SMOC2: variants seen among roughly 807,000 people sequenced by gnomAD.
The protein encoded by SMOC2 is SPARC-related modular calcium-binding protein 2.
A neutral mutation model predicts 61.4 loss-of-function variants in SMOC2; 39 were observed. The ratio of observed to expected loss-of-function variants is 0.64; its 90% CI spans 0.49 to 0.83. SMOC2 has a LOEUF of 0.83. Ranked by LOEUF, SMOC2 falls within the 40% of genes least tolerant of loss-of-function variation. The probability of loss-of-function intolerance (pLI) is 0.00; values close to 1 mark genes in which losing one functional copy is unlikely to be tolerated. For missense variants in SMOC2, 556 were observed against 592.9 expected (o/e 0.94, Z 0.65); for synonymous variants, 247 against 239.9 (o/e 1.03, Z -0.27).
intron 1 of SMOC2, among the ~76,000 whole-genome samples, chr6:168,491,470 C>G (rs1216373579): frequency 6.6e-6 from 1 of 152,106 alleles, no homozygotes; most frequent in Non-Finnish European, 1.5e-5. Context: ...ACTGCTTGGT[C>G]TCATGATGAT....
intron 1 of SMOC2, among the ~76,000 whole-genome samples, chr6:168,468,663 T>A (rs1781898819): frequency 6.6e-6 from 1 of 152,082 alleles, no homozygotes; most frequent in Non-Finnish European, 1.5e-5. Flanking sequence ...GCCTCCCGAG[T>A]AGCTGGGATT....
chr6:168,527,651 A>T lies in SMOC2; in HGVS notation c.387A>T (p.Gly129=), dbSNP rs901788938. ...AGGTCCAGTGTCACAGCTACACGGG[A>T]TACTGCTGGTGCGTCACGCCCAACG... ...YSQVQCHSYT[G]YCWCVTPNGR... The change falls in exon 4 of 13, where the codon GGA becomes GGT. Residue 129 remains glycine (G), a synonymous_variant. Transcript: ENST00000356284. The T allele has an allele frequency of 3.2e-6, 5 of 1,551,826 alleles. No homozygotes were observed. The African/African-American group carries it at 6.8e-5, about 21-fold the overall frequency.
chr6:168,550,307 T>C (rs562759512), intron 7 of SMOC2, among the ~76,000 whole-genome samples: 92 of 152,336 alleles, frequency 6.0e-4, no homozygotes, highest in African/African-American at 2.2e-3. Context: ...ACTTTATCTG[T>C]GGTTATGCAT....
At chr6:168,489,421 C>T (rs901985734) in intron 1 of SMOC2, among the ~76,000 whole-genome samples, 2 of 151,532 alleles carry the variant, frequency 1.3e-5, no homozygotes, top group African/African-American at 4.8e-5. Context: ...CGTCTGGGTC[C>T]TCTTGGATCA....
chr6:168,609,367 G>A (rs973778635), intron 9 of SMOC2, among the ~76,000 whole-genome samples: 3 of 152,142 alleles, frequency 2.0e-5, no homozygotes, highest in African/African-American at 7.2e-5. Flanking sequence ...TTTTTTTAAT[G>A]AGAGTATGGT....
intron 9 of SMOC2, among the ~76,000 whole-genome samples, chr6:168,613,449 G>C (rs139056327): frequency 3.9e-5 from 6 of 152,236 alleles, no homozygotes; most frequent in African/African-American, 1.2e-4. Context: ...TCCTCTCCTG[G>C]ATCCCCAGAG....
chr6:168,660,372 G>A (rs1307179310), intron 11 of SMOC2, among the ~76,000 whole-genome samples: 1 of 152,194 alleles, frequency 6.6e-6, no homozygotes, highest in East Asian at 1.9e-4. Flanking sequence ...CTCTGCTAAG[G>A]CTGAGCAGGA....
intron 7 of SMOC2, among the ~76,000 whole-genome samples, chr6:168,585,963 A>G (rs754282458): frequency 1.4e-4 from 22 of 152,030 alleles, no homozygotes; most frequent in Admixed American, 9.2e-4. Context: ...CGTTTTCTTA[A>G]TGGTCTCTTT....
At chr6:168,503,164 C>T (rs1486923804) in intron 1 of SMOC2, among the ~76,000 whole-genome samples, 12 of 149,892 alleles carry the variant, frequency 8.0e-5, no homozygotes, top group Non-Finnish European at 4.4e-5. Context: ...CTGCAACCTC[C>T]GCCTCCTGGG....
chr6:168,627,827 A>AATTGTCAG (rs1786454465), intron 9 of SMOC2, among the ~76,000 whole-genome samples: 1 of 152,206 alleles, frequency 6.6e-6, no homozygotes. Flanking sequence ...GGAAACTGAA[A>AATTGTCAG]ATTGTCAGAA....
At chr6:168,574,721 C>T (rs574858974) in intron 7 of SMOC2, among the ~76,000 whole-genome samples, 10 of 152,180 alleles carry the variant, frequency 6.6e-5, no homozygotes, top group Non-Finnish European at 2.9e-5. Context: ...CCCGAACTGC[C>T]GGACTCGGCG....
chr6:168,639,666 A>G (rs1168221613), intron 9 of SMOC2, among the ~76,000 whole-genome samples: 3 of 152,242 alleles, frequency 2.0e-5, no homozygotes, highest in African/African-American at 7.2e-5. Context: ...TCTTAAATGA[A>G]GACATTCTGG....
At chr6:168,560,018 TGTG>T (rs1173067536) in intron 7 of SMOC2, among the ~76,000 whole-genome samples, 2 of 152,226 alleles carry the variant, frequency 1.3e-5, no homozygotes, top group Non-Finnish European at 1.5e-5. Context: ...CCAGGAATGG[TGTG>T]GTGCATGAAT....
chr6:168,599,770 A>AC (rs1175043197), intron 8 of SMOC2, among the ~76,000 whole-genome samples: 123 of 25,716 alleles, frequency 4.8e-3, no homozygotes, highest in South Asian at 8.4e-3. Context: ...TCCCCCAAAC[A>AC]CCCCCCCACA....
chr6:168,514,842 T>C (rs2763233), intron 2 of SMOC2, among the ~76,000 whole-genome samples: 136,234 of 152,182 alleles, frequency 0.9, 61,903 homozygotes, highest in East Asian at 0.99. Context: ...CCTTTGAGGA[T>C]GAGCATGTGA....
intron 1 of SMOC2, among the ~76,000 whole-genome samples, chr6:168,480,640 G>T (rs1782184865): frequency 2.0e-5 from 3 of 151,854 alleles, no homozygotes; most frequent in Non-Finnish European, 4.4e-5. Context: ...AGCATCAAGT[G>T]GACCAACATA....
intron 5 of SMOC2, 101 bp from the exon 6 acceptor site, chr6:168,547,018 G>A: frequency 7.1e-7 from 1 of 1,402,052 alleles, no homozygotes; most frequent in Non-Finnish European, 1.0e-6. Flanking sequence ...TTGATCTGTG[G>A]GGACTGAGTG....
chr6:168,458,561 T>A (rs557800053), intron 1 of SMOC2, among the ~76,000 whole-genome samples: 4 of 152,286 alleles, frequency 2.6e-5, no homozygotes, highest in African/African-American at 7.2e-5. Context: ...TGTTGGTGTG[T>A]CCTTGACAAC....
chr6:168,509,777 C>A, intron 1 of SMOC2, 138 bp from the exon 2 acceptor site: 1 of 690,276 alleles, frequency 1.4e-6, no homozygotes, highest in South Asian at 3.1e-5. Flanking sequence ...GCGCTTCTGG[C>A]AGGGGTGAGA....
Sources: gnomAD v4.1 joint callset for allele counts (sites outside exome capture counted in the v4.1 genomes callset) on GRCh38, gnomAD v4.1.1 for gene constraint, MANE v1.5 for transcripts, NCBI Gene and HGNC (gene_info 2026-07-23, HGNC 2026-07-21) for gene names.